Variants in NEGR1 observed in about 807,000 individuals in gnomAD.
NEGR1 encodes neuronal growth regulator 1, also known as IgLON family member 4.
In NEGR1, 10 loss-of-function variants were observed where a neutral mutation model predicts 40.9. The ratio of observed to expected loss-of-function variants is 0.24; its 90% CI spans 0.15 to 0.42. The LOEUF (loss-of-function observed/expected upper bound fraction) is 0.42, where lower values mean the gene tolerates loss of function less well. Ranked by LOEUF, NEGR1 falls within the 10% of genes least tolerant of loss-of-function variation. NEGR1 has a pLI of 1.00. For missense variants in NEGR1, 352 were observed against 438.9 expected (o/e 0.80, Z 1.77); for synonymous variants, 185 against 166.8 (o/e 1.11, Z -0.84).
chr1:72,168,127 T>A (rs115845863), intron 1 of NEGR1, among the ~76,000 whole-genome samples: 1,966 of 151,952 alleles, frequency 0.013, 42 homozygotes, highest in African/African-American at 0.045. Flanking sequence ...GATTCTCCTG[T>A]CTCAGTCTAC....
chr1:71,946,842 C>T (rs1247088353), intron 1 of NEGR1, among the ~76,000 whole-genome samples: 1 of 151,742 alleles, frequency 6.6e-6, no homozygotes. Context: ...ATTTGTCCAG[C>T]ACTTTGGAAG....
At chr1:71,983,507 G>C (rs1443042604) in intron 1 of NEGR1, among the ~76,000 whole-genome samples, 1 of 152,144 alleles carries the variant, frequency 6.6e-6, no homozygotes, top group Non-Finnish European at 1.5e-5. Flanking sequence ...GTAGAGCAAA[G>C]CATAATTCAC....
At chr1:71,634,900 C>A (rs2101568147) in intron 4 of NEGR1, among the ~76,000 whole-genome samples, 1 of 152,166 alleles carries the variant, frequency 6.6e-6, no homozygotes, top group Non-Finnish European at 1.5e-5. Flanking sequence ...TTCAATAATA[C>A]TACTGCAGAC....
At chr1:71,856,625 G>A (rs1045694783) in intron 2 of NEGR1, among the ~76,000 whole-genome samples, 3 of 152,014 alleles carry the variant, frequency 2.0e-5, no homozygotes, top group African/African-American at 7.2e-5. Context: ...GAGATAAACA[G>A]AATTCCAGCA....
At chr1:71,924,782 C>G (rs191977871) in intron 2 of NEGR1, among the ~76,000 whole-genome samples, 3 of 152,036 alleles carry the variant, frequency 2.0e-5, no homozygotes, top group Admixed American at 2.0e-4. Flanking sequence ...TACTACAACA[C>G]GCATTCACTA....
intron 1 of NEGR1, among the ~76,000 whole-genome samples, chr1:71,938,370 A>G (rs941181979): frequency 1.3e-5 from 2 of 150,814 alleles, no homozygotes; most frequent in Non-Finnish European, 1.5e-5. Context: ...GGCCAAACAT[A>G]CACACATACA....
At chr1:72,133,066 A>G (rs968373469) in intron 1 of NEGR1, among the ~76,000 whole-genome samples, 1 of 152,134 alleles carries the variant, frequency 6.6e-6, no homozygotes, top group African/African-American at 2.4e-5. Flanking sequence ...TTAAAATGTG[A>G]CAATCATTTT....
At chr1:71,716,759 G>T (rs1654291893) in intron 3 of NEGR1, among the ~76,000 whole-genome samples, 1 of 151,904 alleles carries the variant, frequency 6.6e-6, no homozygotes, top group South Asian at 2.1e-4. Context: ...ATACATTTTG[G>T]ATTTTATGAT....
chr1:71,569,707 G>A (rs779361538), intron 6 of NEGR1, among the ~76,000 whole-genome samples: 36 of 152,242 alleles, frequency 2.4e-4, no homozygotes, highest in Non-Finnish European at 4.0e-4. Flanking sequence ...GATTTTATTT[G>A]GTTTACTTCA....
chr1:71,771,172 C>CCAT (rs1205745977), intron 3 of NEGR1, among the ~76,000 whole-genome samples: 1 of 152,074 alleles, frequency 6.6e-6, no homozygotes, highest in Non-Finnish European at 1.5e-5. Context: ...AAGCTGGAAA[C>CCAT]CATCATTCTC....
intron 2 of NEGR1, among the ~76,000 whole-genome samples, chr1:71,872,746 G>A (rs1660314686): frequency 6.6e-6 from 1 of 152,106 alleles, no homozygotes; most frequent in Admixed American, 6.6e-5. Context: ...ATAATATGCT[G>A]CTGGCCATAC....
At position 71,410,491 on chromosome 1, in the gene NEGR1, C is replaced by T. The variant is rs1413167781; in HGVS notation, c.941-2921G>A. On this transcript the variant is annotated intron_variant, in intron 6 of 6. Coordinates refer to ENST00000357731, the MANE Select transcript of NEGR1 (RefSeq NM_173808.3). ...GGGGATATAAATAAATAGGTAAATACAGAACATTAGGGTATATGGAACTTT... is the reference window on the plus strand; with the variant it reads ...GGGGATATAAATAAATAGGTAAATATAGAACATTAGGGTATATGGAACTTT... 2.6e-5 allele frequency among the ~76,000 whole-genome samples: 4 copies of T among 152,142 alleles called. No homozygotes were observed. In the East Asian group the frequency reaches 7.7e-4, roughly 29 times the overall value.
At chr1:72,222,745 C>T (rs1156797081) in intron 1 of NEGR1, among the ~76,000 whole-genome samples, 2 of 152,232 alleles carry the variant, frequency 1.3e-5, no homozygotes, top group East Asian at 3.9e-4. Flanking sequence ...ACAGTTTCTG[C>T]CTGGTTCTCT....
intron 1 of NEGR1, among the ~76,000 whole-genome samples, chr1:71,974,631 A>G (rs1646286147): frequency 6.6e-6 from 1 of 152,290 alleles, no homozygotes; most frequent in South Asian, 2.1e-4. Flanking sequence ...TAAGGGCAAG[A>G]TATTTCTGAA....
At chr1:72,228,875 T>C (rs889531873) in intron 1 of NEGR1, among the ~76,000 whole-genome samples, 5 of 152,062 alleles carry the variant, frequency 3.3e-5, no homozygotes, top group Non-Finnish European at 7.4e-5. Flanking sequence ...CAATGGAAAA[T>C]AGAGCAAGAG....
chr1:72,135,404 C>CAAAAAAAAAAAAAAA (rs562148946), intron 1 of NEGR1, among the ~76,000 whole-genome samples: 4 of 65,794 alleles, frequency 6.1e-5, no homozygotes, highest in East Asian at 5.0e-4. Flanking sequence ...AAACAAAAAA[C>CAAAAAAAAAAAAAAA]AAAAAAAAAA....
At chr1:71,836,500 G>T (rs894382546) in intron 2 of NEGR1, among the ~76,000 whole-genome samples, 1 of 126,018 alleles carries the variant, frequency 7.9e-6, no homozygotes, top group Non-Finnish European at 1.8e-5. Context: ...ATATATATAT[G>T]AAGTCGGTAC....
rs190973683 is a variant in NEGR1 at position 72,183,244 on chromosome 1, A to C, written c.176+99075T>G. On this transcript the variant is annotated intron_variant, in intron 1 of 6. Coordinates refer to ENST00000357731, the MANE Select transcript of NEGR1 (RefSeq NM_173808.3). ...CCAGTTGTGCACTTTCACATCCAAC[A>C]CAGTATCTTTGCCAAGGCCGGACTT... Among the ~76,000 whole-genome samples the C allele has an allele frequency of 8.4e-4, 128 of 152,226 alleles. 1 individual carries two copies. The highest frequency in any genetic ancestry group is 8.4e-3 in the Admixed American group (128 of 15,268).
At chr1:71,726,174 T>C (rs1410752720) in intron 3 of NEGR1, among the ~76,000 whole-genome samples, 2 of 152,150 alleles carry the variant, frequency 1.3e-5, no homozygotes, top group African/African-American at 4.8e-5. Flanking sequence ...ATTTATTTTT[T>C]TTTCTGTGAA....
Sources: gnomAD v4.1 joint callset for allele counts (sites outside exome capture counted in the v4.1 genomes callset) on GRCh38, gnomAD v4.1.1 for gene constraint, MANE v1.5 for transcripts, NCBI Gene and HGNC (gene_info 2026-07-23, HGNC 2026-07-21) for gene names.